ARHGEF33: variants seen among roughly 807,000 people sequenced by gnomAD.
ARHGEF33 encodes the protein DH and coiled-coil domain-containing protein ENSP00000381780.
Under a neutral mutation model 101.9 loss-of-function variants are expected in ARHGEF33, and 72 were observed. The observed-to-expected ratio is 0.71, with a 90% CI of 0.58 to 0.86. The LOEUF (loss-of-function observed/expected upper bound fraction) is 0.86. Among genes scored for constraint, ARHGEF33 ranks in the 40% least tolerant of loss-of-function variants. The pLI is 0.00. For synonymous variants in ARHGEF33, 499 were observed against 442.5 expected (o/e 1.13, Z -1.60); for missense variants, 1,169 against 1,111.3 (o/e 1.05, Z -0.74).
rs1572774841 is a variant in ARHGEF33, at chr2:38,956,180, A to G, written c.1222-719A>G. 5.3e-5 allele frequency among the ~76,000 whole-genome samples: 8 copies of G among 152,322 alleles called. 1 individual carries two copies. Among genetic ancestry groups the G allele is most frequent in the Admixed American group, 5.2e-4 (8 of 15,304 alleles). ...CTAGGACTGAAACCCAGGTTTTGCA[A>G]ATAGTAGAATATGGCAAACAAGCCC... On this transcript the variant is annotated intron_variant, in intron 13 of 17. Coordinates refer to ENST00000409978, the MANE Select transcript of ARHGEF33 (RefSeq NM_001145451.5).
In ARHGEF33 at chr2:38,966,078, G is replaced by T. The variant is rs755156763; in HGVS notation, c.2416G>T (p.Asp806Tyr). 1 of 1,551,676 alleles carries T rather than the reference G, an allele frequency of 6.4e-7. No homozygotes were observed. Among genetic ancestry groups the T allele is most frequent in the Non-Finnish European group, 8.7e-7 (1 of 1,146,980 alleles). The change falls in exon 17 of 18, where the codon GAT becomes TAT. Residue 806 changes from aspartate (D) to tyrosine (Y), a missense_variant. Asp to Tyr is a radical substitution (Grantham distance 160). Coordinates refer to ENST00000409978, the MANE Select transcript of ARHGEF33 (RefSeq NM_001145451.5). The stretch of plus-strand genomic sequence containing the variant: ...AGAAAGTGAACAAACATCTTTCAGC[G>T]ATCAAAATCCCAGGCAAGACCAGAA... ...ERESEQTSFS[D>Y]QNPRQDQKGG...
chr2:38,972,858 A>C (rs1052906510), intron 17 of ARHGEF33, among the ~76,000 whole-genome samples: 2 of 152,210 alleles, frequency 1.3e-5, no homozygotes, highest in African/African-American at 2.4e-5. Context: ...CTTCATGTCT[A>C]ACATCACTTT....
chr2:38,954,251 A>G lies in ARHGEF33; in HGVS notation c.1138-122A>G, dbSNP rs945453578. ...TCCTATGAGACAGCAATGCTCTATG[A>G]CAATCTCTGGGAAGAAAATGCTCTG... is the stretch of plus-strand genomic sequence containing the variant. On this transcript the variant is annotated intron_variant, in intron 12 of 17. Transcript: ENST00000409978. The G allele has an allele frequency of 1.2e-5, 8 of 655,770 alleles. No individual in the cohort carries two copies. In the African/African-American group the frequency reaches 1.4e-4, roughly 12 times the overall value. The allele number at this position is 655,770 out of a possible 1,614,324, so 40.6% of individuals were successfully genotyped here.
chr2:38,964,220 T>C (rs1289593752), intron 16 of ARHGEF33, among the ~76,000 whole-genome samples: 1 of 152,108 alleles, frequency 6.6e-6, no homozygotes, highest in Admixed American at 6.5e-5. Flanking sequence ...TTTGTGGCAG[T>C]CTCATGATAT....
chr2:38,908,683 G>C (rs1354054418), intron 2 of ARHGEF33, among the ~76,000 whole-genome samples: 1 of 152,156 alleles, frequency 6.6e-6, no homozygotes, highest in Admixed American at 6.6e-5. Flanking sequence ...TCTGTGCTTT[G>C]CTCCTGTTCT....
At chr2:38,959,080 G>A (rs748326707) in intron 15 of ARHGEF33, among the ~76,000 whole-genome samples, 1 of 152,226 alleles carries the variant, frequency 6.6e-6, no homozygotes, top group Non-Finnish European at 1.5e-5. Context: ...TCTGGTCAGT[G>A]TCCACTTACA....
intron 13 of ARHGEF33, among the ~76,000 whole-genome samples, chr2:38,955,960 C>G (rs553771238): frequency 1.2e-4 from 18 of 152,224 alleles, no homozygotes; most frequent in Admixed American, 1.3e-4. Context: ...TGAGCCACCA[C>G]CCGTGCCCTG....
chr2:38,947,834 C>T (rs1438820068), intron 10 of ARHGEF33, among the ~76,000 whole-genome samples: 1 of 152,118 alleles, frequency 6.6e-6, no homozygotes, highest in Non-Finnish European at 1.5e-5. Context: ...CAGATCACCA[C>T]CAGGTGGCAC....
Position 38,928,690 on chromosome 2 carries a change from C to G in ARHGEF33, c.76-217C>G, listed in dbSNP as rs1023642162. Reference sequence around the variant, plus strand: ...AACAGCTTGCTTTCTTGTCATTTATCAAGCTTCAGCATATGCTATATATAA... The same window carrying G: ...AACAGCTTGCTTTCTTGTCATTTATGAAGCTTCAGCATATGCTATATATAA... On this transcript the variant is annotated intron_variant, in intron 4 of 17. Coordinates refer to ENST00000409978, the MANE Select transcript of ARHGEF33 (RefSeq NM_001145451.5). 4.5e-5 allele frequency: 15 copies of G among 332,548 alleles called. No homozygotes were observed. The Admixed American group carries it at 5.3e-4, about 12-fold the overall frequency. The allele number at this position is 332,548 out of a possible 1,614,324, so 20.6% of individuals were successfully genotyped here. A position where few individuals can be genotyped will look rare whatever the true frequency, so the allele number is the denominator to read the frequency against.
chr2:38,973,786 T>G lies in ARHGEF33; in HGVS notation c.2556T>G (p.Asp852Glu). Residue 852 changes from aspartate (D) to glutamate (E), a missense_variant, in exon 18 of 18, where the codon GAT becomes GAG. By Grantham distance (45) the Asp-to-Glu change is conservative. Transcript: ENST00000409978. The stretch of plus-strand genomic sequence containing the variant: ...TGGATCCTTCACCCACCAAACAAGA[T>G]TTCTTCAGAAACCGACTTGCTCTTG... ...PSMDPSPTKQ[D>E]FFRNRLALAN... The G allele has an allele frequency of 6.5e-7, 1 of 1,549,420 alleles. No individual in the cohort carries two copies. Among genetic ancestry groups the G allele is most frequent in the Non-Finnish European group, 8.7e-7 (1 of 1,146,328 alleles).
chr2:38,954,590 G>T, intron 13 of ARHGEF33, 134 bp downstream of exon 13: 2 of 608,480 alleles, frequency 3.3e-6, no homozygotes, highest in African/African-American at 1.9e-5. Flanking sequence ...AGATTGTTAT[G>T]ATTACCTGAT....
At chr2:38,906,228 G>C (rs1197478962) in intron 2 of ARHGEF33, among the ~76,000 whole-genome samples, 1 of 151,722 alleles carries the variant, frequency 6.6e-6, no homozygotes, top group African/African-American at 2.4e-5. Flanking sequence ...TGAAGAACAG[G>C]ATTGCTATCT....
At chr2:38,943,423 AT>A (rs1273471567) in intron 9 of ARHGEF33, among the ~76,000 whole-genome samples, 2 of 152,138 alleles carry the variant, frequency 1.3e-5, no homozygotes, top group Non-Finnish European at 2.9e-5. Flanking sequence ...CTTTGTTTTC[AT>A]TTTAGCATCT....
intron 16 of ARHGEF33, 22 bp from the exon 17 acceptor site, chr2:38,965,984 A>G (rs1462600580): frequency 5.8e-6 from 9 of 1,550,150 alleles, no homozygotes; most frequent in Non-Finnish European, 7.0e-6. Flanking sequence ...TAAAGAAAAA[A>G]ATCCCTCTTT....
chr2:38,973,894 G>A lies in ARHGEF33; in HGVS notation c.*51G>A. 2.8e-6 allele frequency: 4 copies of A among 1,412,006 alleles called. No individual in the cohort carries two copies. Among genetic ancestry groups the A allele is most frequent in the Non-Finnish European group, 3.8e-6 (4 of 1,062,094 alleles). 87.5% of individuals were successfully genotyped at this position (1,412,006 alleles called of 1,614,324 possible). ...GTGGTAAGATGAGGATAAAAAGCTTGTATATATCTGTGTAGGAATATATAT... is the reference window on the plus strand; with the variant it reads ...GTGGTAAGATGAGGATAAAAAGCTTATATATATCTGTGTAGGAATATATAT... On this transcript the variant is annotated 3_prime_UTR_variant, in exon 18 of 18. Coordinates refer to ENST00000409978, the MANE Select transcript of ARHGEF33 (RefSeq NM_001145451.5).
At chr2:38,910,468 G>T (rs1666485230) in intron 2 of ARHGEF33, among the ~76,000 whole-genome samples, 1 of 152,222 alleles carries the variant, frequency 6.6e-6, no homozygotes, top group Non-Finnish European at 1.5e-5. Context: ...AGCTACTCGG[G>T]AGGCTGAGGC....
chr2:38,910,149 A>T (rs559452128), intron 2 of ARHGEF33, among the ~76,000 whole-genome samples: 1 of 152,278 alleles, frequency 6.6e-6, no homozygotes, highest in South Asian at 2.1e-4. Flanking sequence ...TGGGGAGTAG[A>T]TATTTGACCT....
At position 38,919,348 on chromosome 2, in the gene ARHGEF33, G is replaced by A. The variant is rs944239279; in HGVS notation, c.-85-15G>A. On this transcript the variant is annotated splice_polypyrimidine_tract_variant and intron_variant, in intron 2 of 17. Transcript: ENST00000409978. The stretch of plus-strand genomic sequence containing the variant: ...GTTTTACTTGTTATCCCTTACTCTT[G>A]ATTTGAATTGACAGGTGCAGGGAAG... 1.2e-5 allele frequency: 14 copies of A among 1,217,284 alleles called. No homozygotes were observed. In the African/African-American group the frequency reaches 2.1e-4, roughly 18 times the overall value. 75.4% of individuals were successfully genotyped at this position (1,217,284 alleles called of 1,614,324 possible).
chr2:38,949,386 ACT>A (rs1259956610), intron 10 of ARHGEF33, among the ~76,000 whole-genome samples: 2 of 151,868 alleles, frequency 1.3e-5, no homozygotes, highest in African/African-American at 4.8e-5. Flanking sequence ...ACCCAAAAAA[ACT>A]CTGCTTCTTT....
Sources: gnomAD v4.1 joint callset for allele counts (sites outside exome capture counted in the v4.1 genomes callset) on GRCh38, gnomAD v4.1.1 for gene constraint, MANE v1.5 for transcripts, NCBI Gene and HGNC (gene_info 2026-07-23, HGNC 2026-07-21) for gene names.